Variants in CDH12 observed in about 807,000 individuals in gnomAD.
The protein encoded by CDH12 is cadherin-12.
A neutral mutation model predicts 74.1 loss-of-function variants in CDH12; 41 were observed. That is an observed-to-expected ratio of 0.55 (90% CI 0.43 to 0.72). The LOEUF (loss-of-function observed/expected upper bound fraction) is 0.72. CDH12 is among the 30% of genes least tolerant of loss of function. CDH12 has a pLI of 0.00. For synonymous variants in CDH12, 399 were observed against 355.0 expected (o/e 1.12, Z -1.39); for missense variants, 945 against 977.2 (o/e 0.97, Z 0.44).
intron 2 of CDH12, among the ~76,000 whole-genome samples, chr5:22,411,313 A>T (rs1313915920): frequency 6.6e-6 from 1 of 151,984 alleles, no homozygotes; most frequent in Non-Finnish European, 1.5e-5. Flanking sequence ...ATTACAATAC[A>T]TCAAGCAGAT....
intron 1 of CDH12, among the ~76,000 whole-genome samples, chr5:22,555,115 T>A (rs1051693320): frequency 6.6e-6 from 1 of 152,092 alleles, no homozygotes; most frequent in Non-Finnish European, 1.5e-5. Flanking sequence ...TCTGAACGCA[T>A]AATATCATTT....
At chr5:22,580,488 T>C (rs913339842) in intron 1 of CDH12, 6 of 490,466 alleles carry the variant, frequency 1.2e-5, no homozygotes, top group Non-Finnish European at 2.1e-5. Flanking sequence ...GTCATACTTA[T>C]GGCTTGTAGA....
chr5:22,606,102 C>T (rs1737101846), intron 1 of CDH12, among the ~76,000 whole-genome samples: 1 of 152,200 alleles, frequency 6.6e-6, no homozygotes, highest in East Asian at 1.9e-4. Context: ...AGGAACCCCA[C>T]CACTGGCCCC....
chr5:22,457,965 G>A (rs538022322), intron 2 of CDH12, among the ~76,000 whole-genome samples: 81 of 152,080 alleles, frequency 5.3e-4, no homozygotes, highest in African/African-American at 1.9e-3. Flanking sequence ...GGCTGGTCTC[G>A]AACTCCTGAC....
intron 4 of CDH12, among the ~76,000 whole-genome samples, chr5:22,085,366 C>A (rs1015336104): frequency 6.6e-6 from 1 of 151,980 alleles, no homozygotes; most frequent in Non-Finnish European, 1.5e-5. Flanking sequence ...CAAATATATT[C>A]AATATAAATT....
At chr5:22,063,483 A>G (rs1741335283) in intron 5 of CDH12, among the ~76,000 whole-genome samples, 1 of 152,082 alleles carries the variant, frequency 6.6e-6, no homozygotes, top group Non-Finnish European at 1.5e-5. Flanking sequence ...GAAAAATTGC[A>G]CATTGCTGAT....
intron 3 of CDH12, among the ~76,000 whole-genome samples, chr5:22,344,813 G>C (rs746024431): frequency 1.3e-5 from 2 of 152,166 alleles, no homozygotes; most frequent in Non-Finnish European, 2.9e-5. Flanking sequence ...GATAGTTCCA[G>C]TAGCAAGCAG....
At position 21,987,496 on chromosome 5, in the gene CDH12, A is replaced by G. The variant is rs34940434; in HGVS notation, c.232-12111T>C. ...GAGGGATAATGCTGGATCTAAAGGCATCATCTGAAAAAGACAAAGATATCA... is the reference window on the plus strand; with the variant it reads ...GAGGGATAATGCTGGATCTAAAGGCGTCATCTGAAAAAGACAAAGATATCA... On this transcript the variant is annotated intron_variant, in intron 5 of 14. Coordinates refer to ENST00000382254, the MANE Select transcript of CDH12 (RefSeq NM_004061.5). Among the ~76,000 whole-genome samples the G allele has an allele frequency of 5.2e-3, 793 of 152,314 alleles. 5 individuals carry two copies. Among genetic ancestry groups the G allele is most frequent in the Non-Finnish European group, 8.6e-3 (584 of 68,016 alleles).
At position 21,966,878 on chromosome 5, in the gene CDH12, A is replaced by T. The variant is rs372294886; in HGVS notation, c.526+8213T>A. Among the ~76,000 whole-genome samples the T allele has an allele frequency of 2.4e-4, 36 of 152,274 alleles. 1 individual carries two copies. The East Asian group carries it at 3.5e-3, about 15-fold the overall frequency. On this transcript the variant is annotated intron_variant, in intron 6 of 14. Transcript: ENST00000382254. ...ATAGCATACTCTTCACTCTTTTTGA[A>T]TCGCATGCAGTTGTCACACTGGATG... is the stretch of plus-strand genomic sequence containing the variant.
rs146664958 is a variant in CDH12 at position 22,620,015 on chromosome 5, T to A, written c.-522-114651A>T. Among the ~76,000 whole-genome samples, 549 of 152,246 alleles carry A rather than the reference T, an allele frequency of 3.6e-3. 1 individual carries two copies. The highest frequency in any genetic ancestry group is 0.01 in the African/African-American group (424 of 41,570). On this transcript the variant is annotated intron_variant, in intron 1 of 14. Coordinates refer to ENST00000382254, the MANE Select transcript of CDH12 (RefSeq NM_004061.5). ...CCTTTAAGTAGAGAGCTCAGGAAAT[T>A]ATCATTTTACCTCCAATGATATTTT... is the stretch of plus-strand genomic sequence containing the variant.
chr5:21,753,038 C>T (rs115379763), intron 14 of CDH12, among the ~76,000 whole-genome samples: 1 of 152,144 alleles, frequency 6.6e-6, no homozygotes, highest in East Asian at 1.9e-4. Flanking sequence ...AAGCTCTCCA[C>T]TAAATCAATG....
chr5:21,813,537 T>C (rs1747872382), intron 9 of CDH12, among the ~76,000 whole-genome samples: 1 of 152,076 alleles, frequency 6.6e-6, no homozygotes, highest in East Asian at 1.9e-4. Context: ...AGATCTACAC[T>C]CACATGGGCT....
At chr5:22,315,348 C>T (rs1417993404) in intron 3 of CDH12, among the ~76,000 whole-genome samples, 2 of 151,674 alleles carry the variant, frequency 1.3e-5, no homozygotes, top group African/African-American at 4.8e-5. Flanking sequence ...CCCTGGAGTC[C>T]ATGCAGATAG....
chr5:21,927,479 T>TA (rs1754639057), intron 6 of CDH12, among the ~76,000 whole-genome samples: 1 of 151,624 alleles, frequency 6.6e-6, no homozygotes, highest in Admixed American at 6.6e-5. Context: ...TAGTCCCAGC[T>TA]ACTCAGGAAG....
At chr5:21,859,995 G>A (rs1351423556) in intron 6 of CDH12, among the ~76,000 whole-genome samples, 2 of 151,772 alleles carry the variant, frequency 1.3e-5, no homozygotes, top group African/African-American at 2.4e-5. Context: ...AGAAATGAAG[G>A]TTTGGGTCAC....
intron 1 of CDH12, among the ~76,000 whole-genome samples, chr5:22,739,153 G>C (rs987678036): frequency 2.6e-5 from 4 of 151,896 alleles, no homozygotes; most frequent in African/African-American, 9.7e-5. Flanking sequence ...TGGTTTCAAT[G>C]AGAATTTTCA....
At chr5:22,012,419 G>C (rs1737357258) in intron 5 of CDH12, among the ~76,000 whole-genome samples, 1 of 152,098 alleles carries the variant, frequency 6.6e-6, no homozygotes, top group South Asian at 2.1e-4. Context: ...TTCCAGTTGA[G>C]TTAAGAAAAT....
At chr5:22,053,983 C>T (rs1740567084) in intron 5 of CDH12, among the ~76,000 whole-genome samples, 1 of 151,860 alleles carries the variant, frequency 6.6e-6, no homozygotes, top group South Asian at 2.1e-4. Flanking sequence ...ATTTCCAAGA[C>T]AATTAGGATA....
intron 8 of CDH12, among the ~76,000 whole-genome samples, chr5:21,817,449 GGACTATTCAT>G (rs1325834903): frequency 6.6e-6 from 1 of 151,540 alleles, no homozygotes; most frequent in African/African-American, 2.4e-5. Flanking sequence ...TGGGAGGGTG[GGACTATTCAT>G]GAAATTAATT....
Sources: gnomAD v4.1 joint callset for allele counts (sites outside exome capture counted in the v4.1 genomes callset) on GRCh38, gnomAD v4.1.1 for gene constraint, MANE v1.5 for transcripts, NCBI Gene and HGNC (gene_info 2026-07-23, HGNC 2026-07-21) for gene names.